Variants in KPNB1 observed in about 807,000 individuals in gnomAD.
KPNB1 encodes the protein importin subunit beta-1.
KPNB1 carries 7 observed loss-of-function variants against 113.0 expected under a neutral mutation model. The ratio of observed to expected loss-of-function variants is 0.06; its 90% CI spans 0.04 to 0.12. The LOEUF is 0.12. Ranked by LOEUF, KPNB1 falls within the 10% of genes least tolerant of loss-of-function variation. The pLI is 1.00. For missense variants in KPNB1, 400 were observed against 1,054.8 expected (o/e 0.38, Z 8.60); for synonymous variants, 363 against 378.6 (o/e 0.96, Z 0.48).
chr17:47,663,902 T>C (rs2030185057), intron 7 of KPNB1, among the ~76,000 whole-genome samples: 1 of 151,870 alleles, frequency 6.6e-6, no homozygotes, highest in African/African-American at 2.4e-5. Flanking sequence ...GGAGGTTTGT[T>C]TGAGCCTGGG....
At chr17:47,667,567 T>TG (rs1300036116) in intron 9 of KPNB1, among the ~76,000 whole-genome samples, 4 of 151,814 alleles carry the variant, frequency 2.6e-5, no homozygotes, top group Non-Finnish European at 5.9e-5. Context: ...ACTATGTTTT[T>TG]TTTTTTTTCT....
At chr17:47,651,179 G>A in intron 2 of KPNB1, 1 of 983,368 alleles carries the variant, frequency 1.0e-6, no homozygotes, top group South Asian at 4.7e-5. Flanking sequence ...AAAGTTCCTC[G>A]TTTTTCATAT....
intron 20 of KPNB1, 119 bp downstream of exon 20, chr17:47,680,253 A>G: frequency 2.5e-6 from 2 of 806,820 alleles, no homozygotes; most frequent in Admixed American, 2.1e-5. Flanking sequence ...TGGCACAGAG[A>G]TTTCTTTGCA....
chr17:47,679,945 C>T (rs559759449), intron 19 of KPNB1, 75 bp from the exon 20 acceptor site: 6 of 863,260 alleles, frequency 7.0e-6, no homozygotes, highest in African/African-American at 3.3e-5. Flanking sequence ...GATCCACCCG[C>T]CTGGGCCTCC....
intron 17 of KPNB1, 69 bp from the exon 18 acceptor site, chr17:47,677,977 G>A: frequency 6.8e-7 from 1 of 1,470,214 alleles, no homozygotes; most frequent in Non-Finnish European, 9.4e-7. Context: ...TGTTAGAAAT[G>A]AAATTTTCAT....
rs371087238 is a variant in KPNB1 at position 47,680,219 on chromosome 17, G to A, written c.2468+85G>A. ...TGGAGTAAGGAGTTTTGAGAGTATC[G>A]CGGATGGCAACAGTTCACTTTTTTG... is the stretch of plus-strand genomic sequence containing the variant. On this transcript the variant is annotated intron_variant, in intron 20 of 21. Coordinates refer to ENST00000290158, the MANE Select transcript of KPNB1 (RefSeq NM_002265.6). 32 of 989,964 alleles carry A rather than the reference G, an allele frequency of 3.2e-5. 1 individual carries two copies. Among genetic ancestry groups the A allele is most frequent in the East Asian group, 1.9e-4 (8 of 42,006 alleles). 61.3% of individuals were successfully genotyped at this position (989,964 alleles called of 1,614,324 possible).
At chr17:47,671,897 ATGT>A (rs907518339) in intron 12 of KPNB1, 3 of 152,186 alleles carry the variant, frequency 2.0e-5, no homozygotes, top group Non-Finnish European at 2.9e-5. Context: ...AGCTTTTGAA[ATGT>A]TGTTTAAAGG....
At chr17:47,677,888 A>G (rs2030660964) in intron 17 of KPNB1, among the ~76,000 whole-genome samples, 158 bp from the exon 18 acceptor site, 1 of 152,226 alleles carries the variant, frequency 6.6e-6, no homozygotes, top group Non-Finnish European at 1.5e-5. Flanking sequence ...CTAGCTTCTT[A>G]GAGTTGGTGT....
At position 47,673,591 on chromosome 17, in the gene KPNB1, C is replaced by T. The variant is rs181314196; in HGVS notation, c.1767+30C>T. On this transcript the variant is annotated intron_variant, in intron 14 of 21. Transcript: ENST00000290158. ...GGTGGTGCCTTATGACTTAATAACT[C>T]CAGGTTGGAGAATTATTAGTATCTC... 5.8e-5 allele frequency: 88 copies of T among 1,519,366 alleles called. No individual in the cohort carries two copies. The African/African-American group carries it at 1.1e-3, about 20-fold the overall frequency. 94.1% of individuals were successfully genotyped at this position (1,519,366 alleles called of 1,614,324 possible). A position where few individuals can be genotyped will look rare whatever the true frequency, so the allele number is the denominator to read the frequency against.
Position 47,668,206 on chromosome 17 carries a change from T to C in KPNB1, c.1020T>C (p.Asp340=). 1.2e-6 allele frequency: 2 copies of C among 1,613,932 alleles called. No individual in the cohort carries two copies. Among genetic ancestry groups the C allele is most frequent in the Non-Finnish European group, 1.7e-6 (2 of 1,179,790 alleles). The change falls in exon 10 of 22, where the codon GAT becomes GAC. Residue 340 remains aspartate (D), a synonymous_variant. Transcript: ENST00000290158. ...ACCAGGACGAAAATGATGATGACGA[T>C]GACTGGAACCCCTGCAAAGCAGCAG... The part of the protein sequence containing the change: ...LTKQDENDDD[D]DWNPCKAAGV...
At chr17:47,667,339 C>A (rs1442929155) in intron 9 of KPNB1, among the ~76,000 whole-genome samples, 1 of 151,830 alleles carries the variant, frequency 6.6e-6, no homozygotes, top group Non-Finnish European at 1.5e-5. Flanking sequence ...GTTTACCAGG[C>A]TGGTCTCGAA....
chr17:47,682,435 C>T lies in KPNB1; in HGVS notation c.*31C>T. 2.6e-6 allele frequency: 2 copies of T among 779,982 alleles called. No homozygotes were observed. Among genetic ancestry groups the T allele is most frequent in the South Asian group, 1.3e-5 (1 of 74,568 alleles). The allele number at this position is 779,982 out of a possible 1,614,324, so 48.3% of individuals were successfully genotyped here. A position where few individuals can be genotyped will look rare whatever the true frequency, so the allele number is the denominator to read the frequency against. On this transcript the variant is annotated 3_prime_UTR_variant, in exon 22 of 22. Coordinates refer to ENST00000290158, the MANE Select transcript of KPNB1 (RefSeq NM_002265.6). ...TACCATTGGGATGATAACCTGAGGA[C>T]CCCCACTGGAAATCTCCCATCTTTT...
intron 5 of KPNB1, 24 bp downstream of exon 5, chr17:47,658,684 T>C (rs1293634269): frequency 6.2e-7 from 1 of 1,602,624 alleles, no homozygotes; most frequent in Non-Finnish European, 8.5e-7. Flanking sequence ...CAATAAGGTA[T>C]AGATTCAGAC....
At chr17:47,666,394 T>G (rs901029504) in intron 9 of KPNB1, among the ~76,000 whole-genome samples, 1 of 139,654 alleles carries the variant, frequency 7.2e-6, no homozygotes. Flanking sequence ...GTCTTTACTT[T>G]TGTGTGTGTG....
At chr17:47,650,346 C>T (rs759507996) in intron 1 of KPNB1, 40 bp from the exon 2 acceptor site, 30 of 1,610,612 alleles carry the variant, frequency 1.9e-5, no homozygotes, top group African/African-American at 1.1e-4. Context: ...GAGGCCCGGC[C>T]CCTCTGACCC....
rs1304329956 is a variant in KPNB1, at chr17:47,678,407, G to A, written c.2347G>A (p.Val783Ile). The A allele has an allele frequency of 6.2e-6, 10 of 1,610,180 alleles. No homozygotes were observed. Among genetic ancestry groups the A allele is most frequent in the African/African-American group, 2.7e-5 (2 of 74,970 alleles). Reference protein sequence around the residue: ...VQGLKGDQENVHPDVMLVQPR... With the variant: ...VQGLKGDQENIHPDVMLVQPR... ...GGGATTAAAGGGGGATCAGGAGAAC[G>A]TACACCGTTGAGTATACAACCCAGT... The change falls in exon 19 of 22, where the codon GTA becomes ATA. Residue 783 changes from valine (V) to isoleucine (I), a missense_variant. Physicochemically the swap from Val to Ile is conservative, Grantham distance 29 (BLOSUM62 3). Around this residue, in one of 2 missense-constraint regions of KPNB1, gnomAD observed 115 missense variants for 427.9 expected, o/e 0.27. Coordinates refer to ENST00000290158, the MANE Select transcript of KPNB1 (RefSeq NM_002265.6).
Position 47,665,086 on chromosome 17 carries a change from C to T in KPNB1, c.927C>T (p.His309=), listed in dbSNP as rs2143128272. The T allele has an allele frequency of 1.9e-6, 3 of 1,614,186 alleles. No individual in the cohort carries two copies. Among genetic ancestry groups the T allele is most frequent in the Non-Finnish European group, 2.5e-6 (3 of 1,180,028 alleles). Residue 309 remains histidine, a synonymous_variant, in exon 9 of 22, where the codon CAC becomes CAT. Coordinates refer to ENST00000290158, the MANE Select transcript of KPNB1 (RefSeq NM_002265.6). ...EAAEQGRPPE[H]TSKFYAKGAL... ...CAGAACAAGGACGGCCCCCTGAGCA[C>T]ACCAGCAAGTTTTATGCGAAGGGAG...
chr17:47,679,851 C>A, intron 19 of KPNB1, 169 bp from the exon 20 acceptor site: 1 of 493,358 alleles, frequency 2.0e-6, no homozygotes, highest in South Asian at 2.1e-5. Context: ...CGCCCGCCAC[C>A]ACGCCCGGCT....
chr17:47,668,661 C>A (rs191252665), intron 10 of KPNB1, among the ~76,000 whole-genome samples: 1 of 152,258 alleles, frequency 6.6e-6, no homozygotes, highest in African/African-American at 2.4e-5. Flanking sequence ...AAATACCACT[C>A]TTAACTCTGT....
Sources: allele counts gnomAD v4.1 joint callset (sites outside exome capture counted in the v4.1 genomes callset), GRCh38; gene constraint gnomAD v4.1.1; regional missense constraint gnomAD v4.1.1; transcripts MANE v1.5; gene names NCBI Gene and HGNC (gene_info 2026-07-23, HGNC 2026-07-21).